Variants in ARHGEF18 observed in about 807,000 individuals in gnomAD.
ARHGEF18 encodes Rho/Rac guanine nucleotide exchange factor 18.
ARHGEF18 carries 93 observed loss-of-function variants against 155.7 expected under a neutral mutation model. The ratio of observed to expected loss-of-function variants is 0.60; its 90% CI spans 0.50 to 0.71. ARHGEF18 has a LOEUF of 0.71. Among genes scored for constraint, ARHGEF18 ranks in the 30% least tolerant of loss-of-function variants. The pLI is 0.00. For synonymous variants in ARHGEF18, 742 were observed against 753.1 expected (o/e 0.99, Z 0.24); for missense variants, 1,593 against 1,816.1 (o/e 0.88, Z 2.23).
chr19:7,400,801 C>T (rs2145568240), intron 10 of ARHGEF18, among the ~76,000 whole-genome samples: 1 of 152,204 alleles, frequency 6.6e-6, no homozygotes, highest in East Asian at 1.9e-4. Context: ...CACCACTGCA[C>T]TCTAGCCTTG....
At position 7,372,838 on chromosome 19, in the gene ARHGEF18, C is replaced by G; in HGVS notation, c.42C>G (p.Ser14Arg). The G allele has an allele frequency of 8.1e-7, 1 of 1,234,480 alleles. No homozygotes were observed. Among genetic ancestry groups the G allele is most frequent in the Non-Finnish European group, 1.0e-6 (1 of 988,274 alleles). 76.5% of individuals were successfully genotyped at this position (1,234,480 alleles called of 1,614,324 possible). ...DQEDDFPRRL[S>R]ESMEDLSLDL... ...AGGATGATTTTCCCAGGCGGCTCAGCGAGAGTATGGAGGACCTCAGCCTGG... is the reference window on the plus strand; with the variant it reads ...AGGATGATTTTCCCAGGCGGCTCAGGGAGAGTATGGAGGACCTCAGCCTGG... Residue 14 changes from serine to arginine, a missense_variant, in exon 3 of 29, where the codon AGC (serine) becomes AGG (arginine). By Grantham distance (110) the Ser-to-Arg change is moderately radical. Transcript: ENST00000668164.
intron 6 of ARHGEF18, among the ~76,000 whole-genome samples, chr19:7,378,725 C>T (rs1036616642): frequency 2.2e-4 from 28 of 128,636 alleles, no homozygotes; most frequent in Non-Finnish European, 3.0e-4. Flanking sequence ...TAGGGTCTCA[C>T]TCTGTCACCC....
At chr19:7,358,632 C>G (rs571686975) in intron 1 of ARHGEF18, among the ~76,000 whole-genome samples, 1 of 152,304 alleles carries the variant, frequency 6.6e-6, no homozygotes, top group African/African-American at 2.4e-5. Context: ...ACTCTGTGCC[C>G]AACCCAACAC....
chr19:7,447,752 G>T (rs191762644), intron 15 of ARHGEF18, among the ~76,000 whole-genome samples: 1 of 152,054 alleles, frequency 6.6e-6, no homozygotes, highest in Admixed American at 6.5e-5. Flanking sequence ...CCAGCACTTC[G>T]AGAGGCCAAG....
intron 15 of ARHGEF18, among the ~76,000 whole-genome samples, 183 bp from the exon 16 acceptor site, chr19:7,450,966 G>A (rs62109786): frequency 1.5e-3 from 1 of 648 alleles, no homozygotes; most frequent in South Asian, 0.045. Context: ...GGATCTTGCT[G>A]TCCGTTTCCG....
At chr19:7,356,671 A>G (rs1249261277) in intron 1 of ARHGEF18, among the ~76,000 whole-genome samples, 1 of 152,142 alleles carries the variant, frequency 6.6e-6, no homozygotes, top group Non-Finnish European at 1.5e-5. Flanking sequence ...GCTGGACAAT[A>G]TCATAAAAGC....
At position 7,463,611 on chromosome 19, in the gene ARHGEF18, A is replaced by G. The variant is rs2287916; in HGVS notation, c.2636-207A>G. ...CAGCCCTGTCCTCTCACTTAGACGC[A>G]GATTGGCCTGTCCTGGTGGCCATAC... On this transcript the variant is annotated intron_variant, in intron 21 of 28. Coordinates refer to ENST00000668164, the MANE Select transcript of ARHGEF18 (RefSeq NM_001367823.1). The surrounding 1 kb of genome is among the most constrained non-coding windows in gnomAD (Gnocchi z 5.2). 0.54 allele frequency among the ~76,000 whole-genome samples: 81,524 copies of G among 152,114 alleles called. 22,056 individuals are homozygous for G. Among genetic ancestry groups the G allele is most frequent in the Middle Eastern group, 0.62 (181 of 294 alleles).
Position 7,362,044 on chromosome 19 carries a change from AAGG to A in ARHGEF18, c.-110-734_-110-732del, listed in dbSNP as rs1216757244. On this transcript the variant is annotated intron_variant, in intron 1 of 28. Coordinates refer to ENST00000668164, the MANE Select transcript of ARHGEF18 (RefSeq NM_001367823.1). ...GAAGGAGAAGGAGAAGGAGAAGGAG[AAGG>A]AGAAGGAGAAGGAGAAGGAGAAGGA... 2.4e-3 allele frequency among the ~76,000 whole-genome samples: 100 copies of A among 41,568 alleles called. 6 individuals carry two copies. The highest frequency in any genetic ancestry group is 0.019 in the East Asian group (24 of 1,282). The allele number at this position is 41,568 out of a possible 152,430, so 27.3% of individuals were successfully genotyped here.
At position 7,453,600 on chromosome 19, in the gene ARHGEF18, G is replaced by A; in HGVS notation, c.1989G>A (p.Leu663=). 1 of 1,613,794 alleles carries A rather than the reference G, an allele frequency of 6.2e-7. No homozygotes were observed. Among genetic ancestry groups the A allele is most frequent in the Non-Finnish European group, 8.5e-7 (1 of 1,179,742 alleles). Residue 663 remains leucine (L), a synonymous_variant, in exon 17 of 29, where the codon CTG becomes CTA. Transcript: ENST00000668164. ...RLREIAGKMD[L]KSSSKLKNGL... is the part of the protein sequence containing the mutation. ...GGGAGATCGCAGGGAAGATGGACCT[G>A]AAGTCTTCCAGCAAACTCAAGAACG...
chr19:7,478,367 C>T, the ARHGEF18 span: 3 of 1,610,600 alleles, frequency 1.9e-6, no homozygotes, highest in Non-Finnish European at 2.5e-6. Context: ...TCAGCAGCAT[C>T]CACAGGGACC....
intron 10 of ARHGEF18, among the ~76,000 whole-genome samples, chr19:7,386,348 GC>G (rs1298923569): frequency 1.3e-5 from 2 of 151,760 alleles, no homozygotes; most frequent in African/African-American, 2.4e-5. Flanking sequence ...GTGTGGGGCC[GC>G]CCTGTGCCTG....
At chr19:7,374,921 A>C (rs1005778550) in intron 3 of ARHGEF18, among the ~76,000 whole-genome samples, 1 of 152,198 alleles carries the variant, frequency 6.6e-6, no homozygotes, top group Non-Finnish European at 1.5e-5. Flanking sequence ...TAGTAGAGGC[A>C]GGGGGTGCTC....
chr19:7,414,520 C>G (rs1175978356), intron 10 of ARHGEF18, among the ~76,000 whole-genome samples: 1 of 151,920 alleles, frequency 6.6e-6, no homozygotes, highest in Admixed American at 6.6e-5. Context: ...ACTAAAAATA[C>G]AAAAATTAGG....
intron 10 of ARHGEF18, among the ~76,000 whole-genome samples, chr19:7,417,659 T>C (rs1360319166): frequency 6.6e-6 from 1 of 152,052 alleles, no homozygotes; most frequent in African/African-American, 2.4e-5. Context: ...ATCGCACCAT[T>C]GTACTCCAGC....
rs147430218 is a variant in ARHGEF18 at position 7,438,976 on chromosome 19, G to A, written c.968-1368G>A. On this transcript the variant is annotated intron_variant, in intron 10 of 28. Coordinates refer to ENST00000668164, the MANE Select transcript of ARHGEF18 (RefSeq NM_001367823.1). ...CAACCTCCGACTCCCGGGTTCAAGC[G>A]ATTCCGTGCCTCAGCCTCCCGAGTA... 1.4e-3 allele frequency among the ~76,000 whole-genome samples: 217 copies of A among 151,888 alleles called. 1 individual carries two copies. The highest frequency in any genetic ancestry group is 4.9e-3 in the African/African-American group (202 of 41,424).
In ARHGEF18 at chr19:7,462,048, G is replaced by T; in HGVS notation, c.2453-104G>T. 1 of 1,394,704 alleles carries T rather than the reference G, an allele frequency of 7.2e-7. No individual in the cohort carries two copies. Among genetic ancestry groups the T allele is most frequent in the Non-Finnish European group, 1.0e-6 (1 of 994,640 alleles). The allele number at this position is 1,394,704 out of a possible 1,614,324, so 86.4% of individuals were successfully genotyped here. On this transcript the variant is annotated intron_variant, in intron 20 of 28. Transcript: ENST00000668164. The surrounding 1 kb of genome is among the most constrained non-coding windows in gnomAD (Gnocchi z 4.4). ...GACACAAGGGGGCAGCCTACCTCAG[G>T]GCAGGGCCAGCGGGGTTCCTCATCC... is the stretch of plus-strand genomic sequence containing the variant.
At chr19:7,371,579 G>A (rs1970205642) in intron 2 of ARHGEF18, among the ~76,000 whole-genome samples, 1 of 152,106 alleles carries the variant, frequency 6.6e-6, no homozygotes, top group Non-Finnish European at 1.5e-5. Context: ...CCAGCATCTT[G>A]GGAGGCCGAG....
At chr19:7,449,475 A>C (rs1052442460) in intron 15 of ARHGEF18, among the ~76,000 whole-genome samples, 2 of 152,236 alleles carry the variant, frequency 1.3e-5, no homozygotes, top group African/African-American at 4.8e-5. Context: ...TCGGAGGCTG[A>C]GACAGGAGAA....
intron 27 of ARHGEF18, among the ~76,000 whole-genome samples, chr19:7,469,393 G>A (rs776672347): frequency 5.5e-4 from 84 of 152,290 alleles, no homozygotes; most frequent in Admixed American, 1.1e-3. Context: ...CTTAGAAAGG[G>A]ACACGGGCAA....
Sources: gnomAD v4.1 joint callset for allele counts (sites outside exome capture counted in the v4.1 genomes callset) on GRCh38, gnomAD v4.1.1 for gene constraint, Gnocchi (gnomAD v3.1) non-coding constraint, MANE v1.5 for transcripts, NCBI Gene and HGNC (gene_info 2026-07-23, HGNC 2026-07-21) for gene names.